LUZP2: variants seen among roughly 807,000 people sequenced by gnomAD.
LUZP2 encodes leucine zipper protein 2.
LUZP2 carries 52 observed loss-of-function variants against 51.6 expected under a neutral mutation model. That is an observed-to-expected ratio of 1.01 (90% CI 0.81 to 1.27). The LOEUF (loss-of-function observed/expected upper bound fraction) is 1.27, where lower values mean the gene tolerates loss of function less well. Among genes scored for constraint, LUZP2 ranks in the 50% most tolerant of loss-of-function variants. The probability of loss-of-function intolerance (pLI) is 0.00; values close to 1 mark genes in which losing one functional copy is unlikely to be tolerated. For missense variants in LUZP2, 436 were observed against 395.4 expected (o/e 1.10, Z -0.87); for synonymous variants, 154 against 137.3 (o/e 1.12, Z -0.85).
At chr11:24,677,457 G>A (rs181235087) in intron 1 of LUZP2, among the ~76,000 whole-genome samples, 1 of 152,274 alleles carries the variant, frequency 6.6e-6, no homozygotes, top group East Asian at 1.9e-4. Context: ...GAACACTCAA[G>A]ATTGTTCTGA....
chr11:24,509,142 C>G (rs1850228132), intron 1 of LUZP2, among the ~76,000 whole-genome samples: 1 of 152,132 alleles, frequency 6.6e-6, no homozygotes, highest in Non-Finnish European at 1.5e-5. Flanking sequence ...CATGCTGAAC[C>G]TCAAGACTTT....
chr11:24,964,902 A>G (rs1451045002), intron 7 of LUZP2, among the ~76,000 whole-genome samples: 1 of 151,920 alleles, frequency 6.6e-6, no homozygotes, highest in East Asian at 1.9e-4. Flanking sequence ...CCTGATATTC[A>G]TTTTCATGAA....
At chr11:24,849,971 GTTGT>G (rs1430188924) in intron 5 of LUZP2, among the ~76,000 whole-genome samples, 1 of 151,758 alleles carries the variant, frequency 6.6e-6, no homozygotes, top group Non-Finnish European at 1.5e-5. Flanking sequence ...TTTTGATGGG[GTTGT>G]TTTTTTCTTG....
intron 7 of LUZP2, among the ~76,000 whole-genome samples, chr11:24,975,479 A>T (rs2133902888): frequency 6.6e-6 from 1 of 152,152 alleles, no homozygotes. Context: ...CATCTTGGCA[A>T]TTCTCATGGC....
intron 5 of LUZP2, among the ~76,000 whole-genome samples, chr11:24,777,690 G>A (rs1848976196): frequency 6.6e-6 from 1 of 151,972 alleles, no homozygotes; most frequent in Non-Finnish European, 1.5e-5. Flanking sequence ...AAAGCCATGT[G>A]TCATAGAAAA....
At chr11:24,732,241 T>C (rs1219003410) in intron 3 of LUZP2, 53 bp downstream of exon 3, 1 of 1,312,046 alleles carries the variant, frequency 7.6e-7, no homozygotes, top group Non-Finnish European at 1.1e-6. Context: ...CAAGCAACAT[T>C]CAGAAACTTC....
intron 1 of LUZP2, among the ~76,000 whole-genome samples, chr11:24,546,789 G>A (rs1001744294): frequency 2.0e-5 from 3 of 152,016 alleles, no homozygotes; most frequent in Admixed American, 1.3e-4. Context: ...GGCCTCATAG[G>A]ATGAGTTAGA....
Position 24,888,949 on chromosome 11 carries a change from C to G in LUZP2, c.397-17042C>G, listed in dbSNP as rs146492670. 6.7e-3 allele frequency among the ~76,000 whole-genome samples: 1,026 copies of G among 152,190 alleles called. 16 individuals are homozygous for G. The highest frequency in any genetic ancestry group is 0.058 in the East Asian group (297 of 5,164). On this transcript the variant is annotated intron_variant, in intron 5 of 11. Transcript: ENST00000336930. ...ATGATTGTAAGTTTCCTGAGGCCTC[C>G]CCAGCCATGCTGAACTGTGAGTCAG...
At chr11:24,645,803 A>T (rs2133953180) in intron 1 of LUZP2, among the ~76,000 whole-genome samples, 1 of 152,128 alleles carries the variant, frequency 6.6e-6, no homozygotes, top group African/African-American at 2.4e-5. Flanking sequence ...CAGCTACAAA[A>T]AGTAAACTGA....
In LUZP2 at chr11:24,851,644, G is replaced by T. The variant is rs369504989; in HGVS notation, c.397-54347G>T. Among the ~76,000 whole-genome samples the T allele has an allele frequency of 3.4e-4, 52 of 152,234 alleles. No homozygotes were observed. In the South Asian group the frequency reaches 0.011, roughly 32 times the overall value. On this transcript the variant is annotated intron_variant, in intron 5 of 11. Coordinates refer to ENST00000336930, the MANE Select transcript of LUZP2 (RefSeq NM_001009909.4). ...TGCTGGCCTCATAAAATGATTTAGG[G>T]AGTAGTCCTTCTTTTTCTATTGTGT...
chr11:24,513,049 C>T (rs149510645), intron 1 of LUZP2, among the ~76,000 whole-genome samples: 5 of 151,640 alleles, frequency 3.3e-5, no homozygotes, highest in Admixed American at 6.6e-5. Flanking sequence ...TGAGCCACCG[C>T]GCCCAGCAAA....
chr11:24,507,642 A>G (rs1354937403), intron 1 of LUZP2, among the ~76,000 whole-genome samples: 2 of 151,976 alleles, frequency 1.3e-5, no homozygotes, highest in Non-Finnish European at 2.9e-5. Flanking sequence ...CTCCCTCCCT[A>G]GCTTTTATCA....
intron 1 of LUZP2, among the ~76,000 whole-genome samples, chr11:24,517,170 A>C (rs577509144): frequency 2.0e-4 from 31 of 152,180 alleles, no homozygotes; most frequent in African/African-American, 5.5e-4. Flanking sequence ...TGTCCAAAAA[A>C]CTATTGCTAA....
At chr11:24,672,481 T>C (rs1565067977) in intron 1 of LUZP2, among the ~76,000 whole-genome samples, 1 of 152,174 alleles carries the variant, frequency 6.6e-6, no homozygotes, top group Non-Finnish European at 1.5e-5. Flanking sequence ...ATTGTATAAA[T>C]TCAACAACTC....
chr11:24,521,768 A>G (rs1785254225), intron 1 of LUZP2, among the ~76,000 whole-genome samples: 1 of 152,118 alleles, frequency 6.6e-6, no homozygotes, highest in Non-Finnish European at 1.5e-5. Flanking sequence ...TTTTCCATTC[A>G]GATTTCCTGT....
chr11:24,737,080 G>T (rs1398869314), intron 3 of LUZP2, among the ~76,000 whole-genome samples: 1 of 152,050 alleles, frequency 6.6e-6, no homozygotes, highest in Non-Finnish European at 1.5e-5. Flanking sequence ...TGGTTGTGTA[G>T]AACATCATGG....
At chr11:24,879,977 A>T (rs577070226) in intron 5 of LUZP2, among the ~76,000 whole-genome samples, 1 of 152,274 alleles carries the variant, frequency 6.6e-6, no homozygotes, top group East Asian at 1.9e-4. Flanking sequence ...TCAGTATGTC[A>T]CATGCTCCCC....
intron 7 of LUZP2, among the ~76,000 whole-genome samples, chr11:24,935,325 T>C (rs1854558720): frequency 6.6e-6 from 1 of 152,138 alleles, no homozygotes; most frequent in African/African-American, 2.4e-5. Context: ...TTGGGGAAAA[T>C]CATTCCCTTT....
intron 1 of LUZP2, among the ~76,000 whole-genome samples, chr11:24,615,336 C>T (rs1247964912): frequency 6.6e-6 from 1 of 151,884 alleles, no homozygotes; most frequent in Non-Finnish European, 1.5e-5. Context: ...TGATCCCTGG[C>T]AACCTCTAAT....
Sources: allele counts gnomAD v4.1 joint callset (sites outside exome capture counted in the v4.1 genomes callset), GRCh38; gene constraint gnomAD v4.1.1; transcripts MANE v1.5; gene names NCBI Gene and HGNC (gene_info 2026-07-23, HGNC 2026-07-21).